PDE1C: variants seen among roughly 807,000 people sequenced by gnomAD.
PDE1C encodes dual specificity calcium/calmodulin-dependent 3',5'-cyclic nucleotide phosphodiesterase 1C.
PDE1C carries 62 observed loss-of-function variants against 93.1 expected under a neutral mutation model. That is an observed-to-expected ratio of 0.67 (90% CI 0.54 to 0.82). PDE1C has a LOEUF of 0.82. PDE1C is among the 40% of genes least tolerant of loss of function. The pLI is 0.00. For synonymous variants in PDE1C, 325 were observed against 310.1 expected (o/e 1.05, Z -0.50); for missense variants, 742 against 884.6 (o/e 0.84, Z 2.04).
chr7:32,198,605 T>C (rs1804780974), intron 2 of PDE1C, among the ~76,000 whole-genome samples: 1 of 152,144 alleles, frequency 6.6e-6, no homozygotes, highest in South Asian at 2.1e-4. Context: ...GTGCTAAGCA[T>C]TACATTTGTG....
At chr7:32,123,726 A>G (rs1799423257) in intron 3 of PDE1C, among the ~76,000 whole-genome samples, 1 of 152,214 alleles carries the variant, frequency 6.6e-6, no homozygotes, top group Non-Finnish European at 1.5e-5. Context: ...AAAGCTATTT[A>G]TTACAAACCC....
chr7:32,167,375 AAT>A (rs1300831027), intron 3 of PDE1C, among the ~76,000 whole-genome samples: 2 of 152,190 alleles, frequency 1.3e-5, no homozygotes, highest in African/African-American at 4.8e-5. Flanking sequence ...ACATTATTAG[AAT>A]ATGTCTGAGA....
rs563069298 is a variant in PDE1C, at chr7:31,902,750, C to A, written c.129-21890G>T. 2.6e-5 allele frequency among the ~76,000 whole-genome samples: 4 copies of A among 151,294 alleles called. No homozygotes were observed. In the East Asian group the frequency reaches 7.7e-4, roughly 29 times the overall value. On this transcript the variant is annotated intron_variant, in intron 2 of 17. Transcript: ENST00000396191. Reference sequence around the variant, plus strand: ...CTTCAATTTTTATAGCTATCATTATCATTATAACACATGCAATTTAGAATT... The same window carrying A: ...CTTCAATTTTTATAGCTATCATTATAATTATAACACATGCAATTTAGAATT...
intron 1 of PDE1C, among the ~76,000 whole-genome samples, chr7:32,411,744 T>C (rs568040407): frequency 6.6e-6 from 1 of 152,332 alleles, no homozygotes; most frequent in Non-Finnish European, 1.5e-5. Context: ...ATTTTTACTT[T>C]ATAGACTTTT....
chr7:31,883,940 C>G (rs1318432447), intron 2 of PDE1C, among the ~76,000 whole-genome samples: 1 of 152,192 alleles, frequency 6.6e-6, no homozygotes, highest in East Asian at 1.9e-4. Flanking sequence ...AGTTCTGACC[C>G]AACAGGAAGC....
At chr7:32,202,701 T>C (rs1232350722) in intron 2 of PDE1C, among the ~76,000 whole-genome samples, 1 of 152,182 alleles carries the variant, frequency 6.6e-6, no homozygotes, top group Non-Finnish European at 1.5e-5. Flanking sequence ...ACTGTGGCTC[T>C]GAAACATGGA....
intron 1 of PDE1C, among the ~76,000 whole-genome samples, chr7:32,385,288 G>C (rs1339847133): frequency 6.6e-6 from 1 of 152,220 alleles, no homozygotes; most frequent in Non-Finnish European, 1.5e-5. Context: ...CTGAGTTTCA[G>C]AAGAGAGTTC....
intron 3 of PDE1C, among the ~76,000 whole-genome samples, chr7:32,165,259 G>A (rs769925102): frequency 6.6e-6 from 1 of 152,206 alleles, no homozygotes; most frequent in Non-Finnish European, 1.5e-5. Flanking sequence ...TACTTACTGA[G>A]CTCATTCTGG....
intron 2 of PDE1C, among the ~76,000 whole-genome samples, chr7:31,952,137 G>C (rs890021139): frequency 1.3e-5 from 2 of 152,054 alleles, no homozygotes; most frequent in East Asian, 1.9e-4. Context: ...AAGTGGCAGG[G>C]TTAATATTCT....
chr7:31,886,365 G>A (rs1160649895), intron 2 of PDE1C, among the ~76,000 whole-genome samples: 1 of 152,108 alleles, frequency 6.6e-6, no homozygotes, highest in Admixed American at 6.6e-5. Context: ...ATCCAATGAT[G>A]TCACCCAAGC....
intron 1 of PDE1C, among the ~76,000 whole-genome samples, chr7:32,237,767 T>A (rs374717368): frequency 0.31 from 12,925 of 41,370 alleles, 1,491 homozygotes; most frequent in East Asian, 0.38. Context: ...TATATACTTT[T>A]TTTTTTTTTT....
intron 3 of PDE1C, among the ~76,000 whole-genome samples, chr7:32,076,958 C>T (rs1282185212): frequency 1.1e-4 from 16 of 150,976 alleles, no homozygotes; most frequent in Admixed American, 8.6e-4. Flanking sequence ...AAAACAGGGC[C>T]GGGCACAGTG....
At chr7:31,834,882 G>A (rs1298382107) in intron 11 of PDE1C, among the ~76,000 whole-genome samples, 3 of 152,082 alleles carry the variant, frequency 2.0e-5, no homozygotes, top group African/African-American at 7.2e-5. Flanking sequence ...TGGTTTGGCT[G>A]TGTCCCTACC....
chr7:31,828,940 T>G (rs987681329), intron 11 of PDE1C, among the ~76,000 whole-genome samples: 8 of 152,052 alleles, frequency 5.3e-5, no homozygotes, highest in Admixed American at 5.3e-4. Context: ...GTCTATGAAG[T>G]TAGACAACAA....
chr7:31,637,812 A>G, the PDE1C span, among the ~76,000 whole-genome samples: 100 of 152,318 alleles, frequency 6.6e-4, no homozygotes, highest in African/African-American at 2.2e-3. Flanking sequence ...GTCCTTGCCC[A>G]TGCCTATGTC....
upstream of PDE1C, among the ~76,000 whole-genome samples, chr7:32,300,266 A>G (rs1303314179): frequency 6.6e-6 from 1 of 152,234 alleles, no homozygotes; most frequent in Non-Finnish European, 1.5e-5. Flanking sequence ...GAGTGTATGT[A>G]GTTGACACTT....
At chr7:31,794,814 G>T (rs1785088372) in intron 16 of PDE1C, among the ~76,000 whole-genome samples, 1 of 151,932 alleles carries the variant, frequency 6.6e-6, no homozygotes, top group Admixed American at 6.6e-5. Context: ...TCAGGAAGAA[G>T]CCCAGGACCG....
chr7:31,801,497 A>G (rs1378757211), intron 16 of PDE1C, among the ~76,000 whole-genome samples: 1 of 151,432 alleles, frequency 6.6e-6, no homozygotes, highest in Non-Finnish European at 1.5e-5. Flanking sequence ...TGGGTATTCT[A>G]GGAATGCCAA....
intron 2 of PDE1C, among the ~76,000 whole-genome samples, chr7:31,945,338 T>G (rs948352004): frequency 6.6e-6 from 1 of 152,192 alleles, no homozygotes; most frequent in African/African-American, 2.4e-5. Flanking sequence ...TGTTCTTTCT[T>G]CTTTAAATAG....
Sources: allele counts gnomAD v4.1 joint callset (sites outside exome capture counted in the v4.1 genomes callset), GRCh38; gene constraint gnomAD v4.1.1; transcripts MANE v1.5; gene names NCBI Gene and HGNC (gene_info 2026-07-23, HGNC 2026-07-21).